SH3BP4: variants seen among roughly 807,000 people sequenced by gnomAD.
SH3BP4 encodes SH3 domain binding protein 4.
Under a neutral mutation model 65.5 loss-of-function variants are expected in SH3BP4, and 33 were observed. The ratio of observed to expected loss-of-function variants is 0.50; its 90% confidence interval spans 0.38 to 0.67. The LOEUF is 0.67. Ranked by LOEUF, SH3BP4 falls within the 30% of genes least tolerant of loss-of-function variation. The probability of loss-of-function intolerance (pLI) is 0.00; values close to 1 mark genes in which losing one functional copy is unlikely to be tolerated. For missense variants in SH3BP4, 1,134 were observed against 1,261.4 expected, an observed-to-expected ratio of 0.90 and a Z score of 1.53; for synonymous variants, 552 against 545.5, an observed-to-expected ratio of 1.01 and a Z score of -0.17.
chr2:234,993,970 ATATATTTTGTCACATTGTTG>A (rs1693834030), intron 1 of SH3BP4, among the ~76,000 whole-genome samples: 1 of 152,058 alleles, frequency 6.6e-6, no homozygotes, highest in Non-Finnish European at 1.5e-5. Context: ...GTGTTTGTGC[ATATATTTTGTCACATTGTTG>A]CGGCCTTTTT....
intron 2 of SH3BP4, among the ~76,000 whole-genome samples, chr2:235,017,725 C>G (rs1357954396): frequency 6.6e-6 from 1 of 152,196 alleles, no homozygotes; most frequent in Non-Finnish European, 1.5e-5. Context: ...GTCAGGCCCC[C>G]TCCCCTGCTT....
rs571433406 is a variant in SH3BP4, at chr2:235,033,797, G to T, written c.-132-1074G>T. On this transcript the variant is annotated intron_variant, in intron 2 of 5. Coordinates refer to ENST00000392011, the MANE Select transcript of SH3BP4 (RefSeq NM_014521.3). The surrounding 1 kb of genome is among the most constrained non-coding windows in gnomAD (Gnocchi z 5.7). ...GCTCCCACCCGGCTGCTGCAGAAACGTTGCAAAGGGTGGTGTCAGGGCCTC... is the reference window on the plus strand; with the variant it reads ...GCTCCCACCCGGCTGCTGCAGAAACTTTGCAAAGGGTGGTGTCAGGGCCTC... 6.6e-6 allele frequency among the ~76,000 whole-genome samples: 1 copy of T among 152,330 alleles called. No homozygotes were observed. The highest frequency in any genetic ancestry group is 1.9e-4 in the East Asian group (1 of 5,178).
At chr2:235,017,084 T>G (rs1694709096) in intron 2 of SH3BP4, among the ~76,000 whole-genome samples, 1 of 145,462 alleles carries the variant, frequency 6.9e-6, no homozygotes. Flanking sequence ...TATAGCCTTC[T>G]CATGTACCCA....
At chr2:235,020,491 T>G (rs759297578) in intron 2 of SH3BP4, among the ~76,000 whole-genome samples, 12 of 152,106 alleles carry the variant, frequency 7.9e-5, no homozygotes, top group Non-Finnish European at 1.0e-4. Flanking sequence ...AGCAAGACCC[T>G]GTCTGGAAAA....
intron 2 of SH3BP4, among the ~76,000 whole-genome samples, chr2:235,029,210 G>A (rs1695099096): frequency 6.6e-6 from 1 of 152,190 alleles, no homozygotes; most frequent in African/African-American, 2.4e-5. Context: ...GAGTGCATGA[G>A]AGAGGGACGG....
At position 235,035,635 on chromosome 2, in the gene SH3BP4, A is replaced by G. The variant is rs552250028; in HGVS notation, c.118+515A>G. ...TTAAATAGCCAGAGTCGTGTTTCCA[A>G]GACAACTTTTTTTTTGCAGACAGCC... is the stretch of plus-strand genomic sequence containing the variant. On this transcript the variant is annotated intron_variant, in intron 3 of 5. Transcript: ENST00000392011. The surrounding 1 kb of genome is among the most constrained non-coding windows in gnomAD (Gnocchi z 5.0). Among the ~76,000 whole-genome samples the G allele has an allele frequency of 2.0e-5, 3 of 152,326 alleles. No individual in the cohort carries two copies. The South Asian group carries it at 6.2e-4, about 32-fold the overall frequency.
At chr2:234,990,095 T>A (rs1693703200) in intron 1 of SH3BP4, among the ~76,000 whole-genome samples, 1 of 152,256 alleles carries the variant, frequency 6.6e-6, no homozygotes. Flanking sequence ...GAATTTAGTG[T>A]TTAGACTGGG....
intron 1 of SH3BP4, among the ~76,000 whole-genome samples, chr2:234,971,291 G>GT (rs1460271910): frequency 3.9e-5 from 6 of 152,246 alleles, no homozygotes; most frequent in African/African-American, 1.4e-4. Flanking sequence ...ACTTAGCATA[G>GT]TGTCTTCAAG....
intron 2 of SH3BP4, among the ~76,000 whole-genome samples, chr2:235,023,032 A>G (rs931717460): frequency 6.6e-6 from 1 of 152,058 alleles, no homozygotes; most frequent in Non-Finnish European, 1.5e-5. Context: ...GTGTACCTTT[A>G]TTTTCATGTA....
chr2:234,979,251 C>T (rs1365309545), intron 1 of SH3BP4, among the ~76,000 whole-genome samples: 1 of 152,200 alleles, frequency 6.6e-6, no homozygotes, highest in African/African-American at 2.4e-5. Context: ...ATTCCCTTTG[C>T]CCCTCCCAAT....
In SH3BP4 at chr2:235,054,431, T is replaced by A. The variant is rs1162440294; in HGVS notation, c.*615T>A. ...GGTCCTGCTCCCTCCTCGGATTTGA[T>A]TGTCTTCCGTGCTTTGCCTCACTCG... On this transcript the variant is annotated 3_prime_UTR_variant, in exon 6 of 6. Coordinates refer to ENST00000392011, the MANE Select transcript of SH3BP4 (RefSeq NM_014521.3). The A allele has an allele frequency of 6.6e-6, 1 of 152,574 alleles. No homozygotes were observed. The highest frequency in any genetic ancestry group is 6.5e-5 in the Admixed American group (1 of 15,358). The allele number at this position is 152,574 out of a possible 1,614,324, so 9.5% of individuals were successfully genotyped here. A position where few individuals can be genotyped will look rare whatever the true frequency, so the allele number is the denominator to read the frequency against.
rs1447209204 is a variant in SH3BP4 at position 235,055,679 on chromosome 2, C to T, written c.*1863C>T. The T allele has an allele frequency of 6.6e-6, 1 of 152,558 alleles. No individual in the cohort carries two copies. The highest frequency in any genetic ancestry group is 1.5e-5 in the Non-Finnish European group (1 of 68,036). 9.5% of individuals were successfully genotyped at this position (152,558 alleles called of 1,614,324 possible). A position where few individuals can be genotyped will look rare whatever the true frequency, so the allele number is the denominator to read the frequency against. On this transcript the variant is annotated 3_prime_UTR_variant, in exon 6 of 6. Transcript: ENST00000392011. ...TAAGTGTGTGTGTGTTTTCTGTACCCAACCAGACTTTAAATAAAACAAACA... is the reference window on the plus strand; with the variant it reads ...TAAGTGTGTGTGTGTTTTCTGTACCTAACCAGACTTTAAATAAAACAAACA...
chr2:235,050,283 T>C (rs1395994447), intron 4 of SH3BP4, among the ~76,000 whole-genome samples: 1 of 151,868 alleles, frequency 6.6e-6, no homozygotes, highest in East Asian at 1.9e-4. Context: ...ACCCGGCTAA[T>C]TTTTTTTGTA....
intron 2 of SH3BP4, among the ~76,000 whole-genome samples, chr2:235,013,608 A>G: frequency 6.6e-6 from 1 of 152,172 alleles, no homozygotes; most frequent in Non-Finnish European, 1.5e-5. Flanking sequence ...ACACTGCCTC[A>G]AGAGCTCCCA....
intron 1 of SH3BP4, among the ~76,000 whole-genome samples, chr2:234,954,023 C>T (rs1345836678): frequency 1.3e-5 from 2 of 151,948 alleles, no homozygotes; most frequent in Admixed American, 6.6e-5. Flanking sequence ...CCGGGCCGTG[C>T]TTATCCAAAA....
At chr2:234,988,329 G>T (rs1317388145) in intron 1 of SH3BP4, among the ~76,000 whole-genome samples, 1 of 152,120 alleles carries the variant, frequency 6.6e-6, no homozygotes, top group Non-Finnish European at 1.5e-5. Flanking sequence ...AAAGTGCTGG[G>T]ATTACAGGCG....
At chr2:234,981,698 G>GTGAAGTCACGACTGACT (rs1693388607) in intron 1 of SH3BP4, 1 of 122,200 alleles carries the variant, frequency 8.2e-6, no homozygotes, top group Non-Finnish European at 1.6e-5. Context: ...GGAATGTGAG[G>GTGAAGTCACGACTGACT]TGAAGTCACG....
chr2:234,999,902 G>A (rs577710703), intron 2 of SH3BP4, among the ~76,000 whole-genome samples: 1 of 152,340 alleles, frequency 6.6e-6, no homozygotes, highest in African/African-American at 2.4e-5. Context: ...GCCCAGGAGT[G>A]GCTGCCAGTC....
At chr2:235,048,084 CAGA>C (rs1426881721) in intron 4 of SH3BP4, among the ~76,000 whole-genome samples, 1 of 152,096 alleles carries the variant, frequency 6.6e-6, no homozygotes, top group East Asian at 1.9e-4. Flanking sequence ...CTTTAACCTC[CAGA>C]AGAGGAGGAG....
Sources: allele counts gnomAD v4.1 joint callset (sites outside exome capture counted in the v4.1 genomes callset), GRCh38; gene constraint gnomAD v4.1.1; non-coding constraint Gnocchi (gnomAD v3.1); transcripts MANE v1.5; gene names NCBI Gene and HGNC (gene_info 2026-07-23, HGNC 2026-07-21).